The following MVP variants were observed in gnomAD, a reference collection of about 807,000 sequenced individuals.
MVP encodes the protein major vault protein, also known as lung resistance-related protein.
Under a neutral mutation model 83.5 loss-of-function variants are expected in MVP, and 62 were observed. That is an observed-to-expected ratio of 0.74 (90% confidence interval 0.61 to 0.92). The LOEUF (loss-of-function observed/expected upper bound fraction) is 0.92, where lower values mean the gene tolerates loss of function less well. Among genes scored for constraint, MVP ranks in the 40% least tolerant of loss-of-function variants. The pLI is 0.00. For missense variants in MVP, 1,000 were observed against 1,203.4 expected (o/e 0.83, Z 2.50); for synonymous variants, 505 against 504.1 (o/e 1.00, Z -0.02).
Position 29,841,792 on chromosome 16 carries a change from C to T in MVP, c.1388C>T (p.Pro463Leu). 6.2e-7 allele frequency: 1 copy of T among 1,613,222 alleles called. No homozygotes were observed. Residue 463 changes from proline (P) to leucine (L), a missense_variant, in exon 9 of 15, where the codon CCC becomes CTC. By Grantham distance (98) the Pro-to-Leu change is moderately conservative. Transcript: ENST00000357402. This position sits in a 1 kb window ranked among gnomAD's most constrained non-coding sequence, Gnocchi z 4.7. ...NKTRVVSYRV[P>L]HNAAVQVYDY... ...ACCCGTGTGGTCAGCTACCGCGTGC[C>T]CCACAACGCTGCGGTGCAGGTGTAC...
At chr16:29,842,291 T>G (rs760755655) in intron 10 of MVP, among the ~76,000 whole-genome samples, 179 bp downstream of exon 10, 1 of 151,828 alleles carries the variant, frequency 6.6e-6, no homozygotes, top group African/African-American at 2.4e-5. Context: ...GTTTTTTTAG[T>G]TTTTTGGTTT....
At chr16:29,833,638 A>C in intron 3 of MVP, 95 bp from the exon 4 acceptor site, 4 of 1,540,480 alleles carry the variant, frequency 2.6e-6, no homozygotes, top group South Asian at 1.2e-5. Context: ...CAGGACATAC[A>C]GAGATGGATG....
rs146863700 is a variant in MVP, at chr16:29,840,697, T to G, written c.1191+238T>G. On this transcript the variant is annotated intron_variant, in intron 8 of 14. Transcript: ENST00000357402. ...TAGCTCACATCTGTAATCTCAGCAC[T>G]TTGGGAGGCCGAGGCGGGCGGATCA... Among the ~76,000 whole-genome samples the G allele has an allele frequency of 6.6e-3, 1,001 of 152,254 alleles. 12 individuals carry two copies. The highest frequency in any genetic ancestry group is 0.023 in the African/African-American group (956 of 41,536).
intron 7 of MVP, among the ~76,000 whole-genome samples, chr16:29,839,175 C>T (rs917268073): frequency 3.3e-5 from 5 of 151,928 alleles, no homozygotes; most frequent in Non-Finnish European, 5.9e-5. Flanking sequence ...GCTGCTGAGC[C>T]GAGACTCCAT....
chr16:29,824,220 A>C (rs920514846), intron 1 of MVP, among the ~76,000 whole-genome samples: 3 of 138,984 alleles, frequency 2.2e-5, no homozygotes, highest in Admixed American at 6.9e-5. Flanking sequence ...TCAAAAAAAA[A>C]AAAAAAAAAA....
intron 1 of MVP, among the ~76,000 whole-genome samples, chr16:29,828,291 T>C (rs1001333614): frequency 6.6e-6 from 1 of 152,070 alleles, no homozygotes; most frequent in Non-Finnish European, 1.5e-5. Flanking sequence ...AGGAGCCACA[T>C]GTGGATGTGG....
rs368136206 is a variant in MVP at position 29,844,835 on chromosome 16, G to A, written c.1977G>A (p.Gln659=). Residue 659 remains glutamine (Q), a synonymous_variant, in exon 11 of 15, where the codon CAG becomes CAA. Transcript: ENST00000357402. ...RTRDALQRSV[Q]LAIEITTNSQ... is the part of the protein sequence containing the mutation. ...GGGACGCCCTGCAACGCAGCGTCCA[G>A]CTGGCCATCGAGATCACCACCAACT... 7.4e-5 allele frequency: 119 copies of A among 1,606,206 alleles called. No individual in the cohort carries two copies. The Middle Eastern group carries it at 8.4e-4, about 11-fold the overall frequency.
intron 3 of MVP, chr16:29,831,706 G>T: frequency 2.2e-6 from 1 of 456,124 alleles, no homozygotes. Context: ...CCAAGGTTAA[G>T]CAGTTCATTC....
rs13336324 is a variant in MVP, at chr16:29,830,170, G to A, written c.-35-345G>A. Reference sequence around the variant, plus strand: ...TCCCAGCTTGCTGTATCTCTCCACCGTAAGAGACTGGGAGCACCTTGATCT... The same window carrying A: ...TCCCAGCTTGCTGTATCTCTCCACCATAAGAGACTGGGAGCACCTTGATCT... On this transcript the variant is annotated intron_variant, in intron 1 of 14. Coordinates refer to ENST00000357402, the MANE Select transcript of MVP (RefSeq NM_005115.5). 328 of 184,214 alleles carry A rather than the reference G, an allele frequency of 1.8e-3. 2 individuals are homozygous for A. Among genetic ancestry groups the A allele is most frequent in the African/African-American group, 7.3e-3 (312 of 42,534 alleles). The allele number at this position is 184,214 out of a possible 1,614,324, so 11.4% of individuals were successfully genotyped here.
chr16:29,842,557 G>A (rs553113118), intron 10 of MVP, among the ~76,000 whole-genome samples: 41 of 152,168 alleles, frequency 2.7e-4, no homozygotes, highest in East Asian at 1.9e-3. Flanking sequence ...CGCCTGCCTC[G>A]GCTTCCCAAA....
chr16:29,834,153 T>C, intron 5 of MVP, 87 bp downstream of exon 5: 1 of 1,534,494 alleles, frequency 6.5e-7, no homozygotes, highest in Admixed American at 2.0e-5. Context: ...GAAAGCCTCC[T>C]GTAGCCCCAG....
chr16:29,843,835 G>T (rs1448226507), intron 10 of MVP, among the ~76,000 whole-genome samples: 1 of 152,126 alleles, frequency 6.6e-6, no homozygotes, highest in African/African-American at 2.4e-5. Context: ...GGGAGGCGGA[G>T]GTTGCAGTGA....
In MVP at chr16:29,843,370, C is replaced by T. The variant is rs1265807683; in HGVS notation, c.1635-1123C>T. Reference sequence around the variant, plus strand: ...ACTAGCTGGGCATGGTGGTACATGTCTATAGACCCAACTACTTGGAAGGCT... The same window carrying T: ...ACTAGCTGGGCATGGTGGTACATGTTTATAGACCCAACTACTTGGAAGGCT... On this transcript the variant is annotated intron_variant, in intron 10 of 14. Coordinates refer to ENST00000357402, the MANE Select transcript of MVP (RefSeq NM_005115.5). 2.7e-5 allele frequency among the ~76,000 whole-genome samples: 4 copies of T among 150,634 alleles called. No individual in the cohort carries two copies. The Admixed American group carries it at 2.7e-4, about 10-fold the overall frequency.
chr16:29,823,122 C>CT (rs66512916), intron 1 of MVP, among the ~76,000 whole-genome samples: 34,874 of 98,680 alleles, frequency 0.35, 7,715 homozygotes, highest in Non-Finnish European at 0.47. Flanking sequence ...CTTTTCTTTT[C>CT]TTTTTTTTTT....
chr16:29,832,738 T>C (rs566454398), intron 3 of MVP, among the ~76,000 whole-genome samples: 29 of 151,644 alleles, frequency 1.9e-4, no homozygotes, highest in African/African-American at 5.8e-4. Flanking sequence ...GGATTGCAGG[T>C]GTGAGCCACC....
In MVP at chr16:29,831,086, C is replaced by T. The variant is rs768897238; in HGVS notation, c.321+13C>T. Reference sequence around the variant, plus strand: ...GGTGCTGGAAAAGGTACCTGGTTTCCTCACTCCCTATGCCCCACCCTACCT... The same window carrying T: ...GGTGCTGGAAAAGGTACCTGGTTTCTTCACTCCCTATGCCCCACCCTACCT... On this transcript the variant is annotated intron_variant, in intron 3 of 14. Coordinates refer to ENST00000357402, the MANE Select transcript of MVP (RefSeq NM_005115.5). 1 of 1,607,150 alleles carries T rather than the reference C, an allele frequency of 6.2e-7. No homozygotes were observed. Among genetic ancestry groups the T allele is most frequent in the South Asian group, 1.1e-5 (1 of 90,942 alleles).
Position 29,840,226 on chromosome 16 carries a change from A to G in MVP, c.958A>G (p.Ile320Val), listed in dbSNP as rs766977155. Residue 320 changes from isoleucine to valine, a missense_variant, in exon 8 of 15, where the codon ATC becomes GTC. Physicochemically the swap from Ile to Val is conservative, Grantham distance 29 (BLOSUM62 3). Transcript: ENST00000357402. ...GCCAGGAGAGCAGCTGGAACAAGGC[A>G]TCCAGGATGTGTATGTGCTGTCGGA... is the stretch of plus-strand genomic sequence containing the variant. Reference protein sequence around the residue: ...LQPGEQLEQGIQDVYVLSEQQ... With the variant: ...LQPGEQLEQGVQDVYVLSEQQ... 2 of 1,613,650 alleles carry G rather than the reference A, an allele frequency of 1.2e-6. No homozygotes were observed. Among genetic ancestry groups the G allele is most frequent in the South Asian group, 2.2e-5 (2 of 91,064 alleles).
chr16:29,839,008 G>T (rs2067511097), intron 7 of MVP, among the ~76,000 whole-genome samples: 2 of 152,064 alleles, frequency 1.3e-5, no homozygotes, highest in African/African-American at 4.8e-5. Flanking sequence ...CCAACATGGT[G>T]AAGCCCCGTC....
At chr16:29,837,765 C>A (rs2067500425) in intron 7 of MVP, among the ~76,000 whole-genome samples, 1 of 151,906 alleles carries the variant, frequency 6.6e-6, no homozygotes, top group Non-Finnish European at 1.5e-5. Flanking sequence ...AAAAAAAAAT[C>A]TCCATTATAA....
Sources: gnomAD v4.1 joint callset for allele counts (sites outside exome capture counted in the v4.1 genomes callset) on GRCh38, gnomAD v4.1.1 for gene constraint, Gnocchi (gnomAD v3.1) non-coding constraint, MANE v1.5 for transcripts, NCBI Gene and HGNC (gene_info 2026-07-23, HGNC 2026-07-21) for gene names.